The following TBKBP1 variants were observed in gnomAD, a reference collection of about 807,000 sequenced individuals.
The protein encoded by TBKBP1 is TBK1 binding protein 1, also known as TANK-binding kinase 1-binding protein 1.
A neutral mutation model predicts 69.9 loss-of-function variants in TBKBP1; 47 were observed. The ratio of observed to expected loss-of-function variants is 0.67; its 90% CI spans 0.53 to 0.86. The LOEUF is 0.86. Ranked by LOEUF, TBKBP1 falls within the 40% of genes least tolerant of loss-of-function variation. TBKBP1 has a pLI of 0.00. For synonymous variants in TBKBP1, 418 were observed against 390.3 expected (o/e 1.07, Z -0.84); for missense variants, 831 against 858.6 (o/e 0.97, Z 0.40).
rs943906137 is a variant in TBKBP1, at chr17:47,709,080, C to G, written c.1347C>G (p.Ser449Arg). ...LAERAYAKPPSHHVKAGFQGR... is the reference protein window; with the variant it reads ...LAERAYAKPPRHHVKAGFQGR... ...AGCGCGCCTACGCCAAGCCGCCCAG[C>G]CACCACGTGAAGGCCGGCTTCCAGG... The change falls in exon 9 of 10, where the codon AGC becomes AGG. Residue 449 changes from serine (S) to arginine (R), a missense_variant. Physicochemically the swap from Ser to Arg is moderately radical, Grantham distance 110. Coordinates refer to ENST00000578982, the MANE Select transcript of TBKBP1 (RefSeq NM_001394755.1). 5.2e-6 allele frequency: 7 copies of G among 1,356,800 alleles called. No individual in the cohort carries two copies. The highest frequency in any genetic ancestry group is 6.6e-6 in the Non-Finnish European group (7 of 1,059,248). The allele number at this position is 1,356,800 out of a possible 1,614,324, so 84.0% of individuals were successfully genotyped here.
Position 47,709,349 on chromosome 17 carries a change from C to G in TBKBP1, c.1616C>G (p.Thr539Ser), listed in dbSNP as rs1188228386. The G allele has an allele frequency of 6.5e-7, 1 of 1,527,160 alleles. No individual in the cohort carries two copies. Among genetic ancestry groups the G allele is most frequent in the Non-Finnish European group, 8.7e-7 (1 of 1,143,490 alleles). 94.6% of individuals were successfully genotyped at this position (1,527,160 alleles called of 1,614,324 possible). A position where few individuals can be genotyped will look rare whatever the true frequency, so the allele number is the denominator to read the frequency against. The stretch of plus-strand genomic sequence containing the variant: ...AGCCCGCCCAGCCCGGAGGTGGGCA[C>G]CATCCGCTGCGCCTCCTTCTGCGCG... Reference protein sequence around the residue: ...PTSPPSPEVGTIRCASFCAGF... With the variant: ...PTSPPSPEVGSIRCASFCAGF... Residue 539 changes from threonine to serine, a missense_variant, in exon 9 of 10, where the codon ACC becomes AGC. By Grantham distance (58) the Thr-to-Ser change is moderately conservative. Transcript: ENST00000578982.
rs1249838878 is a variant in TBKBP1 at position 47,708,021 on chromosome 17, ACAGCTTTTG to A, written c.873-370_873-362del. 7.2e-5 allele frequency among the ~76,000 whole-genome samples: 11 copies of A among 152,354 alleles called. No homozygotes were observed. The East Asian group carries it at 1.7e-3, about 24-fold the overall frequency. On this transcript the variant is annotated intron_variant, in intron 7 of 9. Transcript: ENST00000578982. This position sits in a 1 kb window ranked among gnomAD's most constrained non-coding sequence, Gnocchi z 4.4. ...TGAATCGGTGCTTTAATTCATCATC[ACAGCTTTTG>A]CACAGATTAGAAAAACATTCACACA...
intron 7 of TBKBP1, among the ~76,000 whole-genome samples, chr17:47,703,838 T>G (rs1343581333): frequency 6.6e-6 from 1 of 152,108 alleles, no homozygotes; most frequent in East Asian, 1.9e-4. Context: ...ATTGTCCCCC[T>G]TTTACAGATG....
intron 7 of TBKBP1, among the ~76,000 whole-genome samples, chr17:47,700,971 C>T (rs2031478388): frequency 6.6e-6 from 1 of 152,152 alleles, no homozygotes; most frequent in African/African-American, 2.4e-5. Context: ...AAGTCCTCTC[C>T]CCTAAGATGA....
At chr17:47,700,957 G>A (rs781590381) in intron 7 of TBKBP1, among the ~76,000 whole-genome samples, 95 of 152,076 alleles carry the variant, frequency 6.2e-4, no homozygotes, top group Non-Finnish European at 4.6e-4. Flanking sequence ...ACCTCTTTCC[G>A]CCTAAGTCCT....
At chr17:47,705,562 C>T (rs1407158705) in intron 7 of TBKBP1, among the ~76,000 whole-genome samples, 1 of 152,226 alleles carries the variant, frequency 6.6e-6, no homozygotes, top group Non-Finnish European at 1.5e-5. Context: ...ACCCATTCTT[C>T]CCAAGCAGTC....
At chr17:47,705,364 C>T (rs2031660794) in intron 7 of TBKBP1, among the ~76,000 whole-genome samples, 1 of 152,180 alleles carries the variant, frequency 6.6e-6, no homozygotes, top group Admixed American at 6.5e-5. Flanking sequence ...AGTGGCAATG[C>T]CGTAGGGTTG....
chr17:47,703,209 C>A (rs1020154597), intron 7 of TBKBP1, among the ~76,000 whole-genome samples: 2 of 152,104 alleles, frequency 1.3e-5, no homozygotes, highest in Admixed American at 6.5e-5. Context: ...CCACCTCCCC[C>A]CCCACCCCTC....
chr17:47,708,597 C>T lies in TBKBP1; in HGVS notation c.991+85C>T. On this transcript the variant is annotated intron_variant, in intron 8 of 9. Transcript: ENST00000578982. This position sits in a 1 kb window ranked among gnomAD's most constrained non-coding sequence, Gnocchi z 4.4. ...TGGCAACCATCTTGGTCATGGGGAC[C>T]ACCCTTTATTTCCTTTCCTGTGGCC... 1.3e-6 allele frequency: 2 copies of T among 1,511,318 alleles called. No individual in the cohort carries two copies. The highest frequency in any genetic ancestry group is 9.0e-7 in the Non-Finnish European group (1 of 1,107,234). The allele number at this position is 1,511,318 out of a possible 1,614,324, so 93.6% of individuals were successfully genotyped here.
At position 47,708,828 on chromosome 17, in the gene TBKBP1, C is replaced by G; in HGVS notation, c.1095C>G (p.Ser365=). Residue 365 remains serine (S), a synonymous_variant, in exon 9 of 10, where the codon TCC becomes TCG. Coordinates refer to ENST00000578982, the MANE Select transcript of TBKBP1 (RefSeq NM_001394755.1). The surrounding 1 kb of genome is among the most constrained non-coding windows in gnomAD (Gnocchi z 4.4). ...RAAPPCPPCQ[S]PVPQRRSPVP... ...CTCCCCCGTGCCCCCCGTGCCAGTC[C>G]CCCGTCCCCCAGCGCCGCTCTCCCG... is the stretch of plus-strand genomic sequence containing the variant. 2 of 1,390,722 alleles carry G rather than the reference C, an allele frequency of 1.4e-6. No homozygotes were observed. The highest frequency in any genetic ancestry group is 1.9e-6 in the Non-Finnish European group (2 of 1,061,406). The allele number at this position is 1,390,722 out of a possible 1,614,324, so 86.1% of individuals were successfully genotyped here. A position where few individuals can be genotyped will look rare whatever the true frequency, so the allele number is the denominator to read the frequency against.
At chr17:47,709,522 T>A in intron 9 of TBKBP1, 70 bp downstream of exon 9, 1 of 1,421,038 alleles carries the variant, frequency 7.0e-7, no homozygotes, top group Non-Finnish European at 9.2e-7. Context: ...CGCCTCACCC[T>A]CCGTTGAGGG....
intron 7 of TBKBP1, among the ~76,000 whole-genome samples, chr17:47,702,763 C>T (rs558037696): frequency 1.7e-4 from 26 of 152,148 alleles, no homozygotes; most frequent in African/African-American, 5.8e-4. Context: ...CTGGGGGTCA[C>T]GCAGAGGCCA....
intron 5 of TBKBP1, among the ~76,000 whole-genome samples, chr17:47,699,078 AGACTT>A (rs1567904903): frequency 6.6e-6 from 1 of 152,006 alleles, no homozygotes; most frequent in Admixed American, 6.6e-5. Context: ...CAGATGCTCT[AGACTT>A]GAGTCTGGCC....
chr17:47,709,109 G>A lies in TBKBP1; in HGVS notation c.1376G>A (p.Arg459His), dbSNP rs1433766549. 3.7e-6 allele frequency: 5 copies of A among 1,364,504 alleles called. No homozygotes were observed. The highest frequency in any genetic ancestry group is 3.3e-5 in the East Asian group (1 of 30,520). The allele number at this position is 1,364,504 out of a possible 1,614,324, so 84.5% of individuals were successfully genotyped here. Reference protein sequence around the residue: ...SHHVKAGFQGRRSYSELAEGA... With the variant: ...SHHVKAGFQGHRSYSELAEGA... Reference sequence around the variant, plus strand: ...CACGTGAAGGCCGGCTTCCAGGGCCGCCGCAGCTACTCTGAGCTGGCGGAG... The same window carrying A: ...CACGTGAAGGCCGGCTTCCAGGGCCACCGCAGCTACTCTGAGCTGGCGGAG... Residue 459 changes from arginine (R) to histidine (H), a missense_variant, in exon 9 of 10, where the codon CGC becomes CAC. By Grantham distance (29) the Arg-to-His change is conservative. Transcript: ENST00000578982.
rs979029477 is a variant in TBKBP1, at chr17:47,710,566, G to A, written c.1788G>A (p.Gly596=). ...TCTGCCAGCTGGGTTTCCCTGTCGG[G>A]TACCCGGATGATGCCCTCATCAAAC... ...CPLCQLGFPV[G]YPDDALIKHI... The change falls in exon 10 of 10, where the codon GGG becomes GGA. Residue 596 remains glycine (G), a synonymous_variant. Coordinates refer to ENST00000578982, the MANE Select transcript of TBKBP1 (RefSeq NM_001394755.1). The A allele has an allele frequency of 1.9e-6, 3 of 1,612,440 alleles. No individual in the cohort carries two copies. Among genetic ancestry groups the A allele is most frequent in the South Asian group, 1.1e-5 (1 of 91,056 alleles).
chr17:47,707,108 T>C (rs1207714915), intron 7 of TBKBP1, among the ~76,000 whole-genome samples: 1 of 152,234 alleles, frequency 6.6e-6, no homozygotes, highest in African/African-American at 2.4e-5. Flanking sequence ...GAGTCCCTTC[T>C]GGAGCTGGAG....
Position 47,697,122 on chromosome 17 carries a change from G to A in TBKBP1, c.382G>A (p.Gly128Arg), listed in dbSNP as rs2031280662. ...GAACAAGGAGCAGGAAGAACAGCTT[G>A]GAGAGATGATCCAGGCCTACGAGAA... ...QKNKEQEEQL[G>R]EMIQAYEKLC... The change falls in exon 4 of 10, where the codon GGA becomes AGA. Residue 128 changes from glycine to arginine, a missense_variant. Coordinates refer to ENST00000578982, the MANE Select transcript of TBKBP1 (RefSeq NM_001394755.1). 2 of 1,612,700 alleles carry A rather than the reference G, an allele frequency of 1.2e-6. No homozygotes were observed. Among genetic ancestry groups the A allele is most frequent in the South Asian group, 1.1e-5 (1 of 90,770 alleles).
rs1372454863 is a variant in TBKBP1 at position 47,708,758 on chromosome 17, C to T, written c.1025C>T (p.Ser342Phe). The T allele has an allele frequency of 7.4e-7, 1 of 1,351,300 alleles. No homozygotes were observed. The highest frequency in any genetic ancestry group is 1.4e-5 in the South Asian group (1 of 72,226). The allele number at this position is 1,351,300 out of a possible 1,614,324, so 83.7% of individuals were successfully genotyped here. The change falls in exon 9 of 10, where the codon TCC (serine) becomes TTC (phenylalanine). Residue 342 changes from serine to phenylalanine, a missense_variant. By Grantham distance (155) the Ser-to-Phe change is radical. Transcript: ENST00000578982. The surrounding 1 kb of genome is among the most constrained non-coding windows in gnomAD (Gnocchi z 4.4). ...CACTCGCCGCTGTCACAACGCCACT[C>T]CCCGGCCCCCCAGTGCCCCTCCCCC... Reference protein sequence around the residue: ...QRHSPLSQRHSPAPQCPSPSP... With the variant: ...QRHSPLSQRHFPAPQCPSPSP...
chr17:47,708,645 G>A lies in TBKBP1; in HGVS notation c.992-80G>A, dbSNP rs181559327. On this transcript the variant is annotated intron_variant, in intron 8 of 9. Transcript: ENST00000578982. This position sits in a 1 kb window ranked among gnomAD's most constrained non-coding sequence, Gnocchi z 4.4. The stretch of plus-strand genomic sequence containing the variant: ...GCCTGGAGTTGGTGGGCATGGGTCC[G>A]GGCAAGCCCCTGGCGCTCCAGTTCT... The A allele has an allele frequency of 8.4e-5, 120 of 1,422,638 alleles. No homozygotes were observed. Among genetic ancestry groups the A allele is most frequent in the East Asian group, 5.5e-4 (22 of 40,168 alleles). 88.1% of individuals were successfully genotyped at this position (1,422,638 alleles called of 1,614,324 possible).
Sources: gnomAD v4.1 joint callset for allele counts (sites outside exome capture counted in the v4.1 genomes callset) on GRCh38, gnomAD v4.1.1 for gene constraint, Gnocchi (gnomAD v3.1) non-coding constraint, MANE v1.5 for transcripts, NCBI Gene and HGNC (gene_info 2026-07-23, HGNC 2026-07-21) for gene names.